The following ZPBP variants were observed in gnomAD, a reference collection of about 807,000 sequenced individuals.
ZPBP encodes the protein zona pellucida-binding protein 1.
In ZPBP, 26 loss-of-function variants were observed where a neutral mutation model predicts 44.8. The ratio of observed to expected loss-of-function variants is 0.58; its 90% CI spans 0.43 to 0.81. The LOEUF is 0.81. Ranked by LOEUF, ZPBP falls within the 30% of genes least tolerant of loss-of-function variation. ZPBP has a pLI of 0.00. For synonymous variants in ZPBP, 174 were observed against 153.2 expected, an observed-to-expected ratio of 1.14 and a Z score of -1.00; for missense variants, 409 against 434.0, an observed-to-expected ratio of 0.94 and a Z score of 0.51.
downstream of ZPBP, among the ~76,000 whole-genome samples, chr7:49,848,508 G>A (rs1351703930): frequency 6.6e-6 from 1 of 152,214 alleles, no homozygotes. Context: ...GTTGCTCAGT[G>A]AGCCCAGAAA....
intron 4 of ZPBP, among the ~76,000 whole-genome samples, chr7:50,046,434 C>T (rs1256087925): frequency 6.7e-6 from 1 of 148,450 alleles, no homozygotes; most frequent in East Asian, 1.9e-4. Context: ...CTACAAGGAA[C>T]TTAAACAAAT....
At chr7:49,917,751 G>A (rs1458585980) in intron 1 of ZPBP, 1 of 151,920 alleles carries the variant, frequency 6.6e-6, no homozygotes, top group African/African-American at 2.4e-5. Context: ...AATATTTAAT[G>A]ATCATTATTT....
chr7:49,952,936 G>A (rs571586059), intron 7 of ZPBP, among the ~76,000 whole-genome samples: 59 of 152,010 alleles, frequency 3.9e-4, no homozygotes, highest in African/African-American at 1.3e-3. Flanking sequence ...CAACTTGCCT[G>A]AAACAATGAA....
At chr7:49,854,029 G>A (rs1790312067) in intron 2 of ZPBP, among the ~76,000 whole-genome samples, 2 of 151,610 alleles carry the variant, frequency 1.3e-5, no homozygotes, top group East Asian at 1.9e-4. Context: ...CCATGTCCCT[G>A]CAAAGGACAT....
At chr7:50,043,843 C>A (rs528285653) in intron 4 of ZPBP, among the ~76,000 whole-genome samples, 9 of 152,314 alleles carry the variant, frequency 5.9e-5, no homozygotes, top group Admixed American at 6.5e-5. Flanking sequence ...GAACTCTCCA[C>A]CCCACATCAA....
chr7:50,082,488 A>C (rs1309508212), intron 2 of ZPBP, among the ~76,000 whole-genome samples: 1 of 151,892 alleles, frequency 6.6e-6, no homozygotes, highest in African/African-American at 2.4e-5. Context: ...ATACAAAAGG[A>C]ACCCGGTAAA....
intron 6 of ZPBP, among the ~76,000 whole-genome samples, chr7:50,005,411 G>T (rs1201150083): frequency 6.6e-6 from 1 of 152,084 alleles, no homozygotes; most frequent in African/African-American, 2.4e-5. Flanking sequence ...ACTCTTAAAA[G>T]ATTTAAAAAC....
chr7:49,920,887 G>C (rs761308136), intron 1 of ZPBP: 2 of 152,062 alleles, frequency 1.3e-5, no homozygotes, highest in Non-Finnish European at 2.9e-5. Flanking sequence ...ATTTCTAATA[G>C]ACTGTTATAG....
At chr7:49,939,440 A>C (rs1481347912) in intron 7 of ZPBP, among the ~76,000 whole-genome samples, 1 of 152,188 alleles carries the variant, frequency 6.6e-6, no homozygotes, top group Non-Finnish European at 1.5e-5. Flanking sequence ...ATACATACTA[A>C]AATATTTTTT....
chr7:50,073,829 GA>G (rs1285841586), intron 3 of ZPBP, among the ~76,000 whole-genome samples: 4 of 152,056 alleles, frequency 2.6e-5, no homozygotes, highest in African/African-American at 9.7e-5. Flanking sequence ...ACATGAAGGA[GA>G]AATAGACTTT....
intron 6 of ZPBP, among the ~76,000 whole-genome samples, chr7:50,015,621 A>G (rs1798786212): frequency 6.6e-6 from 1 of 152,164 alleles, no homozygotes; most frequent in African/African-American, 2.4e-5. Flanking sequence ...GTAAACAGAA[A>G]ACCTACAGAA....
intron 2 of ZPBP, among the ~76,000 whole-genome samples, chr7:49,868,185 C>T (rs2128722375): frequency 6.6e-6 from 1 of 152,266 alleles, no homozygotes; most frequent in East Asian, 1.9e-4. Context: ...ATTCATTCAC[C>T]CTACAGTGAC....
At chr7:50,061,962 C>A (rs1190462919) in intron 3 of ZPBP, among the ~76,000 whole-genome samples, 1 of 152,160 alleles carries the variant, frequency 6.6e-6, no homozygotes, top group Non-Finnish European at 1.5e-5. Flanking sequence ...ATCTGATAAA[C>A]AACTTCAGCA....
chr7:49,985,286 C>A (rs1171185606), intron 6 of ZPBP, among the ~76,000 whole-genome samples: 1 of 151,598 alleles, frequency 6.6e-6, no homozygotes, highest in Non-Finnish European at 1.5e-5. Context: ...GTCTTTATTT[C>A]AAAATGTGGT....
intron 6 of ZPBP, among the ~76,000 whole-genome samples, chr7:49,999,647 C>T (rs970517880): frequency 2.6e-4 from 40 of 152,150 alleles, no homozygotes; most frequent in Non-Finnish European, 5.9e-5. Context: ...ATCAGGAGCA[C>T]TAATGTTTGA....
At chr7:49,993,683 A>G (rs937642863) in intron 6 of ZPBP, among the ~76,000 whole-genome samples, 2 of 152,208 alleles carry the variant, frequency 1.3e-5, no homozygotes, top group Admixed American at 6.5e-5. Context: ...GCTGATCACC[A>G]TGAAGAATGG....
intron 7 of ZPBP, among the ~76,000 whole-genome samples, chr7:49,951,771 ATACT>A (rs1267894288): frequency 2.4e-4 from 36 of 151,848 alleles, no homozygotes; most frequent in African/African-American, 8.7e-4. Flanking sequence ...ACTTAAGTAT[ATACT>A]TTTCATGAAT....
At chr7:49,976,877 C>G (rs1361498497) in intron 7 of ZPBP, among the ~76,000 whole-genome samples, 1 of 151,800 alleles carries the variant, frequency 6.6e-6, no homozygotes. Context: ...CGGAGGCGGG[C>G]GGATCACGAG....
intron 7 of ZPBP, among the ~76,000 whole-genome samples, chr7:49,969,837 AGAG>A (rs1206290920): frequency 0.024 from 2,014 of 83,168 alleles, 28 homozygotes; most frequent in East Asian, 0.17. Context: ...AGAGAGAGAG[AGAG>A]AGAGAAAGAG....
Sources: gnomAD v4.1 joint callset for allele counts (sites outside exome capture counted in the v4.1 genomes callset) on GRCh38, gnomAD v4.1.1 for gene constraint, MANE v1.5 for transcripts, NCBI Gene and HGNC (gene_info 2026-07-23, HGNC 2026-07-21) for gene names.